The following CCDC146 variants were observed in gnomAD, a reference collection of about 807,000 sequenced individuals.
CCDC146 encodes the protein coiled-coil domain containing 146.
In CCDC146, 92 loss-of-function variants were observed where a neutral mutation model predicts 119.3. The observed-to-expected ratio is 0.77, with a 90% CI of 0.65 to 0.92. CCDC146 has a LOEUF of 0.92. Among genes scored for constraint, CCDC146 ranks in the 40% least tolerant of loss-of-function variants. CCDC146 has a pLI of 0.00. For synonymous variants in CCDC146, 372 were observed against 371.8 expected, an observed-to-expected ratio of 1.00 and a Z score of -0.01; for missense variants, 1,000 against 1,103.0, an observed-to-expected ratio of 0.91 and a Z score of 1.32.
At chr7:77,160,714 A>G (rs950078414) in intron 1 of CCDC146, among the ~76,000 whole-genome samples, 15 of 152,210 alleles carry the variant, frequency 9.9e-5, no homozygotes, top group African/African-American at 3.6e-4. Context: ...GTCATCTGCA[A>G]ACAGGGACAA....
At chr7:77,159,340 T>C (rs1791223932) in intron 1 of CCDC146, among the ~76,000 whole-genome samples, 1 of 152,146 alleles carries the variant, frequency 6.6e-6, no homozygotes, top group Non-Finnish European at 1.5e-5. Flanking sequence ...GCAACCACCA[T>C]CCCACTCTGC....
chr7:77,238,117 C>T (rs542063899), intron 3 of CCDC146, among the ~76,000 whole-genome samples: 15 of 152,278 alleles, frequency 9.9e-5, no homozygotes, highest in Admixed American at 3.9e-4. Flanking sequence ...TTCAAGTGCA[C>T]CCAGGTTCCT....
chr7:77,267,942 A>G (rs1793438901), intron 9 of CCDC146, among the ~76,000 whole-genome samples: 1 of 152,228 alleles, frequency 6.6e-6, no homozygotes, highest in African/African-American at 2.4e-5. Flanking sequence ...GGAATACATC[A>G]GCAGTTGAAT....
At chr7:77,142,651 G>A (rs1790953901) in intron 1 of CCDC146, among the ~76,000 whole-genome samples, 1 of 151,804 alleles carries the variant, frequency 6.6e-6, no homozygotes, top group Non-Finnish European at 1.5e-5. Context: ...ACCTATGAGT[G>A]AGAACATGCA....
chr7:77,188,080 C>T (rs1791700388), intron 2 of CCDC146, among the ~76,000 whole-genome samples: 2 of 152,186 alleles, frequency 1.3e-5, no homozygotes, highest in East Asian at 1.9e-4. Context: ...TCCTGTACGT[C>T]ACTTTACCTT....
intron 10 of CCDC146, 53 bp downstream of exon 10, chr7:77,273,842 T>C: frequency 8.1e-7 from 1 of 1,235,724 alleles, no homozygotes. Context: ...CATACAAAGT[T>C]GTGCTTTTAA....
At chr7:77,293,920 A>G (rs780174396) in intron 18 of CCDC146, among the ~76,000 whole-genome samples, 30 of 152,198 alleles carry the variant, frequency 2.0e-4, no homozygotes, top group Non-Finnish European at 5.9e-5. Flanking sequence ...TTCAGAACAC[A>G]CTAGGAATAC....
In CCDC146 at chr7:77,272,700, G is replaced by A. The variant is rs141301309; in HGVS notation, c.1174-994G>A. On this transcript the variant is annotated intron_variant, in intron 9 of 18. Transcript: ENST00000285871. The stretch of plus-strand genomic sequence containing the variant: ...GAATGGTACCCTTTCCCCATCAGCT[G>A]CCACATGTCCTCCTCTCTACTCTCG... Among the ~76,000 whole-genome samples the A allele has an allele frequency of 3.4e-3, 511 of 152,232 alleles. 5 individuals are homozygous for A. The highest frequency in any genetic ancestry group is 5.5e-3 in the African/African-American group (227 of 41,544).
intron 2 of CCDC146, among the ~76,000 whole-genome samples, chr7:77,190,789 G>A (rs754969335): frequency 2.6e-5 from 4 of 152,140 alleles, no homozygotes; most frequent in South Asian, 2.1e-4. Context: ...TGGCCACCTC[G>A]GCTTGTTACC....
intron 2 of CCDC146, among the ~76,000 whole-genome samples, chr7:77,212,179 G>A (rs913707268): frequency 1.3e-5 from 2 of 152,094 alleles, no homozygotes; most frequent in African/African-American, 4.8e-5. Flanking sequence ...TAATATTATA[G>A]TACAGTAAGG....
chr7:77,287,696 G>T (rs1297929841), intron 17 of CCDC146, 119 bp downstream of exon 17: 14 of 1,084,400 alleles, frequency 1.3e-5, no homozygotes, highest in Non-Finnish European at 1.8e-5. Context: ...ATGACTAGGG[G>T]AACTTAGAAA....
At chr7:77,292,471 G>A (rs1793965388) in intron 17 of CCDC146, among the ~76,000 whole-genome samples, 1 of 151,578 alleles carries the variant, frequency 6.6e-6, no homozygotes, top group African/African-American at 2.4e-5. Flanking sequence ...AAAAAAATTA[G>A]CCGGGTATGG....
chr7:77,282,851 G>T, intron 15 of CCDC146, 66 bp downstream of exon 15: 1 of 1,135,590 alleles, frequency 8.8e-7, no homozygotes, highest in Non-Finnish European at 1.3e-6. Flanking sequence ...TTAGTTTGTG[G>T]GTGAGTTCTT....
intron 4 of CCDC146, 43 bp from the exon 5 acceptor site, chr7:77,254,463 T>A (rs751949418): frequency 9.0e-7 from 1 of 1,105,586 alleles, no homozygotes; most frequent in Non-Finnish European, 1.3e-6. Context: ...AGAAAGAGCT[T>A]ATTTCTTTGT....
intron 17 of CCDC146, among the ~76,000 whole-genome samples, chr7:77,292,560 T>C (rs949971541): frequency 6.9e-6 from 1 of 145,218 alleles, no homozygotes; most frequent in African/African-American, 2.6e-5. Context: ...GAGCTTGCAA[T>C]GAGCTGAGAT....
chr7:77,146,476 C>T (rs568471321), intron 1 of CCDC146, among the ~76,000 whole-genome samples: 10 of 152,218 alleles, frequency 6.6e-5, no homozygotes, highest in East Asian at 3.9e-4. Context: ...TTACTTTGCT[C>T]GTTAGTTGAT....
At chr7:77,201,643 C>T (rs1432780811) in intron 2 of CCDC146, among the ~76,000 whole-genome samples, 1 of 151,876 alleles carries the variant, frequency 6.6e-6, no homozygotes, top group Non-Finnish European at 1.5e-5. Flanking sequence ...ACATTCTTCC[C>T]AAATAAATTT....
chr7:77,268,381 C>A lies in CCDC146; in HGVS notation c.1174-5313C>A, dbSNP rs1793448503. On this transcript the variant is annotated intron_variant, in intron 9 of 18. Transcript: ENST00000285871. The stretch of plus-strand genomic sequence containing the variant: ...ATTGTTTATGTTCAACAGGGGAATA[C>A]CAAGGCCTACCTATGAGTACCAGTT... Among the ~76,000 whole-genome samples the A allele has an allele frequency of 3.9e-5, 6 of 152,282 alleles. No homozygotes were observed. In the South Asian group the frequency reaches 1.2e-3, roughly 32 times the overall value.
Position 77,291,927 on chromosome 7 carries a change from G to A in CCDC146, c.2416-1025G>A, listed in dbSNP as rs970204724. ...TTATCTTATATAAGCAAAGAGTAAC[G>A]TTAATTCTACCAGATTTTTTCCCCT... is the stretch of plus-strand genomic sequence containing the variant. On this transcript the variant is annotated intron_variant, in intron 17 of 18. Coordinates refer to ENST00000285871, the MANE Select transcript of CCDC146 (RefSeq NM_020879.3). Among the ~76,000 whole-genome samples the A allele has an allele frequency of 9.2e-5, 14 of 152,264 alleles. No individual in the cohort carries two copies. The South Asian group carries it at 1.0e-3, about 11-fold the overall frequency.
Sources: allele counts gnomAD v4.1 joint callset (sites outside exome capture counted in the v4.1 genomes callset), GRCh38; gene constraint gnomAD v4.1.1; transcripts MANE v1.5; gene names NCBI Gene and HGNC (gene_info 2026-07-23, HGNC 2026-07-21).